The following CGNL1 variants were observed in gnomAD, a reference collection of about 807,000 sequenced individuals.
The protein encoded by CGNL1 is cingulin like 1.
CGNL1 carries 132 observed loss-of-function variants against 141.2 expected under a neutral mutation model. The observed-to-expected ratio is 0.93, with a 90% confidence interval of 0.81 to 1.08. The LOEUF (loss-of-function observed/expected upper bound fraction) is 1.08, where lower values mean the gene tolerates loss of function less well. Among genes scored for constraint, CGNL1 ranks in the 50% least tolerant of loss-of-function variants. The pLI is 0.00. For synonymous variants in CGNL1, 690 were observed against 622.1 expected (o/e 1.11, Z -1.63); for missense variants, 1,870 against 1,588.6 (o/e 1.18, Z -3.01).
At chr15:57,379,045 T>TG (rs2062397707) in intron 1 of CGNL1, among the ~76,000 whole-genome samples, 8 of 151,226 alleles carry the variant, frequency 5.3e-5, no homozygotes, top group Non-Finnish European at 7.4e-5. Context: ...CCTACTGTTT[T>TG]TTTTGTGTGT....
rs535545766 is a variant in CGNL1 at position 57,465,732 on chromosome 15, C to A, written c.2403+3840C>A. On this transcript the variant is annotated intron_variant, in intron 8 of 18. Transcript: ENST00000281282. ...CAATAGGTCTTATGAAGCAGCCCAA[C>A]CTTCTGTCATCAGTTTTTCTTATTC... is the stretch of plus-strand genomic sequence containing the variant. Among the ~76,000 whole-genome samples the A allele has an allele frequency of 1.4e-3, 208 of 152,240 alleles. 2 individuals carry two copies. Among genetic ancestry groups the A allele is most frequent in the African/African-American group, 4.2e-3 (176 of 41,546 alleles).
intron 3 of CGNL1, among the ~76,000 whole-genome samples, chr15:57,441,659 G>A (rs368578611): frequency 2.0e-5 from 3 of 152,122 alleles, no homozygotes; most frequent in Non-Finnish European, 2.9e-5. Flanking sequence ...GTGAGCCACC[G>A]CACCTGGCCA....
intron 1 of CGNL1, among the ~76,000 whole-genome samples, chr15:57,408,903 A>G (rs1867644): frequency 0.56 from 84,251 of 151,776 alleles, 23,557 homozygotes; most frequent in Middle Eastern, 0.59. Context: ...TTAGCCAGGC[A>G]TGGTGGTGTG....
chr15:57,411,117 T>C (rs574239235), intron 1 of CGNL1, among the ~76,000 whole-genome samples: 3 of 152,360 alleles, frequency 2.0e-5, no homozygotes, highest in African/African-American at 7.2e-5. Context: ...TATCAAAATA[T>C]GACTAAAGAG....
At chr15:57,448,488 A>C (rs2063283807) in intron 4 of CGNL1, among the ~76,000 whole-genome samples, 1 of 151,954 alleles carries the variant, frequency 6.6e-6, no homozygotes. Flanking sequence ...GTCTCTACTA[A>C]AAATACAAAA....
intron 13 of CGNL1, among the ~76,000 whole-genome samples, chr15:57,530,318 C>T (rs2031878356): frequency 6.6e-6 from 1 of 152,204 alleles, no homozygotes; most frequent in Non-Finnish European, 1.5e-5. Context: ...TCATTTGCCC[C>T]TTTGCAATAT....
intron 1 of CGNL1, among the ~76,000 whole-genome samples, chr15:57,400,948 T>C (rs192896855): frequency 4.9e-5 from 7 of 144,306 alleles, no homozygotes; most frequent in Admixed American, 3.4e-4. Flanking sequence ...ATTACAAAAA[T>C]GTGTTATTTA....
chr15:57,415,932 C>T (rs1003439669), intron 1 of CGNL1, among the ~76,000 whole-genome samples: 2 of 152,182 alleles, frequency 1.3e-5, no homozygotes, highest in African/African-American at 4.8e-5. Flanking sequence ...ATGGCGGCTG[C>T]TTCCCTGAGT....
intron 8 of CGNL1, among the ~76,000 whole-genome samples, chr15:57,489,793 C>T (rs1449897938): frequency 6.6e-6 from 1 of 152,216 alleles, no homozygotes; most frequent in Non-Finnish European, 1.5e-5. Flanking sequence ...ATTAAAGCAT[C>T]TGCTCAAAAG....
intron 8 of CGNL1, among the ~76,000 whole-genome samples, chr15:57,498,418 T>G (rs1392343617): frequency 6.6e-6 from 1 of 152,054 alleles, no homozygotes; most frequent in African/African-American, 2.4e-5. Flanking sequence ...TTGCCCAGGC[T>G]GGTCTCAAAC....
At chr15:57,523,694 C>G in intron 11 of CGNL1, 53 bp downstream of exon 11, 1 of 1,594,340 alleles carries the variant, frequency 6.3e-7, no homozygotes, top group Non-Finnish European at 8.6e-7. Context: ...TTTGTTGGAC[C>G]CAGTCCCCTC....
intron 8 of CGNL1, among the ~76,000 whole-genome samples, chr15:57,466,717 T>C (rs2063515503): frequency 6.6e-6 from 1 of 152,188 alleles, no homozygotes; most frequent in African/African-American, 2.4e-5. Context: ...TCCTCAACAA[T>C]CTGAAGACCA....
At position 57,451,516 on chromosome 15, in the gene CGNL1, C is replaced by T. The variant is rs775505165; in HGVS notation, c.1820C>T (p.Ser607Phe). 6.2e-6 allele frequency: 10 copies of T among 1,611,006 alleles called. No individual in the cohort carries two copies. In the African/African-American group the frequency reaches 8.0e-5, roughly 13 times the overall value. Residue 607 changes from serine to phenylalanine, a missense_variant, in exon 5 of 19, where the codon TCT (serine) becomes TTT (phenylalanine). Transcript: ENST00000281282. ...QGNNQACNST[S>F]EVKDLLEQKS... The stretch of plus-strand genomic sequence containing the variant: ...TAATTATAGGCTTGTAATTCCACAT[C>T]TGAAGTCAAAGATCTATTGGAACAG...
At position 57,522,898 on chromosome 15, in the gene CGNL1, T is replaced by C. The variant is rs16977577; in HGVS notation, c.2716-591T>C. 7.8e-3 allele frequency among the ~76,000 whole-genome samples: 1,190 copies of C among 152,328 alleles called. 22 individuals are homozygous for C. The highest frequency in any genetic ancestry group is 0.027 in the African/African-American group (1,138 of 41,570). On this transcript the variant is annotated intron_variant, in intron 10 of 18. Transcript: ENST00000281282. The stretch of plus-strand genomic sequence containing the variant: ...ATTTAACACCTTCTGTTCATCAAGT[T>C]CACCAACCTGTGTGTTTCCAAATTC...
intron 3 of CGNL1, among the ~76,000 whole-genome samples, chr15:57,440,841 ATAAAAACACCTCCCCTCCCC>A: frequency 6.6e-6 from 1 of 152,266 alleles, no homozygotes; most frequent in South Asian, 2.1e-4. Context: ...GAAGTTACAA[ATAAAAACACCTCCCCTCCCC>A]AGAGTTAACA....
chr15:57,462,611 T>C (rs1248279593), intron 8 of CGNL1, among the ~76,000 whole-genome samples: 1 of 152,118 alleles, frequency 6.6e-6, no homozygotes, highest in Non-Finnish European at 1.5e-5. Context: ...CTGCAATATA[T>C]AGGTTAAAAA....
At chr15:57,389,821 T>C (rs2062522665) in intron 1 of CGNL1, among the ~76,000 whole-genome samples, 1 of 151,738 alleles carries the variant, frequency 6.6e-6, no homozygotes, top group African/African-American at 2.4e-5. Context: ...TTTTTTGTTT[T>C]TGTTTTTTTT....
rs1304499482 is a variant in CGNL1 at position 57,438,497 on chromosome 15, T to C, written c.498T>C (p.Asn166=). The C allele has an allele frequency of 1.2e-6, 2 of 1,614,104 alleles. No individual in the cohort carries two copies. Among genetic ancestry groups the C allele is most frequent in the Admixed American group, 1.7e-5 (1 of 60,018 alleles). ...DPEKNELNLQ[N]HQPSESNWLK... ...AAAAGAATGAGTTGAATTTACAAAA[T>C]CACCAGCCTTCTGAGAGTAATTGGC... Residue 166 remains asparagine, a synonymous_variant, in exon 2 of 19, where the codon AAT becomes AAC. Transcript: ENST00000281282.
At chr15:57,382,631 A>T (rs768048639) in intron 1 of CGNL1, among the ~76,000 whole-genome samples, 19 of 152,160 alleles carry the variant, frequency 1.2e-4, no homozygotes, top group Non-Finnish European at 2.8e-4. Context: ...TGGCCTCAAG[A>T]ATTCTCTTGT....
Sources: allele counts gnomAD v4.1 joint callset (sites outside exome capture counted in the v4.1 genomes callset), GRCh38; gene constraint gnomAD v4.1.1; transcripts MANE v1.5; gene names NCBI Gene and HGNC (gene_info 2026-07-23, HGNC 2026-07-21).